ZMAT4: variants seen among roughly 807,000 people sequenced by gnomAD.
ZMAT4 encodes the protein zinc finger matrin-type protein 4.
In ZMAT4, 17 loss-of-function variants were observed where a neutral mutation model predicts 28.7. The observed-to-expected ratio is 0.59, with a 90% CI of 0.41 to 0.89. The LOEUF (loss-of-function observed/expected upper bound fraction) is 0.89. Ranked by LOEUF, ZMAT4 falls within the 40% of genes least tolerant of loss-of-function variation. The probability of loss-of-function intolerance (pLI) is 0.00; values close to 1 mark genes in which losing one functional copy is unlikely to be tolerated. For synonymous variants in ZMAT4, 117 were observed against 109.2 expected, an observed-to-expected ratio of 1.07 and a Z score of -0.44; for missense variants, 240 against 283.8, an observed-to-expected ratio of 0.85 and a Z score of 1.11.
chr8:40,548,114 G>C (rs78712132), intron 6 of ZMAT4, among the ~76,000 whole-genome samples: 5,518 of 152,214 alleles, frequency 0.036, 185 homozygotes, highest in East Asian at 0.13. Context: ...AGGGAAGAAG[G>C]GTGAGAAGTT....
At position 40,690,692 on chromosome 8, in the gene ZMAT4, C is replaced by G. The variant is rs150649642; in HGVS notation, c.349+6553G>C. Among the ~76,000 whole-genome samples, 466 of 152,250 alleles carry G rather than the reference C, an allele frequency of 3.1e-3. 3 individuals are homozygous for G. Among genetic ancestry groups the G allele is most frequent in the African/African-American group, 9.5e-3 (393 of 41,540 alleles). On this transcript the variant is annotated intron_variant, in intron 4 of 6. Transcript: ENST00000297737. Reference sequence around the variant, plus strand: ...TTATTCAAAATTTGAATTTATGTAACTTTCAAGCAGATATAGACTACCCTG... The same window carrying G: ...TTATTCAAAATTTGAATTTATGTAAGTTTCAAGCAGATATAGACTACCCTG...
chr8:40,779,380 G>T (rs761715811), intron 2 of ZMAT4, among the ~76,000 whole-genome samples: 6 of 151,908 alleles, frequency 3.9e-5, no homozygotes, highest in African/African-American at 7.3e-5. Flanking sequence ...ACCAAGAAAC[G>T]CCCAGAGCTC....
chr8:40,881,959 C>A (rs1229874863), intron 1 of ZMAT4, among the ~76,000 whole-genome samples: 1 of 152,112 alleles, frequency 6.6e-6, no homozygotes, highest in South Asian at 2.1e-4. Context: ...AGGATGAGAG[C>A]CCCAGAAAGC....
intron 3 of ZMAT4, among the ~76,000 whole-genome samples, chr8:40,767,100 A>C (rs141479047): frequency 1.3e-5 from 2 of 151,988 alleles, no homozygotes; most frequent in African/African-American, 4.8e-5. Context: ...CTCTGACTTG[A>C]CTCCCTCAAA....
intron 1 of ZMAT4, among the ~76,000 whole-genome samples, chr8:40,833,675 GCA>G (rs1816373455): frequency 6.6e-6 from 1 of 152,066 alleles, no homozygotes; most frequent in African/African-American, 2.4e-5. Flanking sequence ...ACCGGCTCCA[GCA>G]CACACTTTTC....
chr8:40,715,501 A>G (rs1013202444), intron 3 of ZMAT4, among the ~76,000 whole-genome samples: 3 of 152,230 alleles, frequency 2.0e-5, no homozygotes. Context: ...ACATCTGATT[A>G]TGCAAAATTA....
chr8:40,893,612 C>T (rs1012707612), intron 1 of ZMAT4, among the ~76,000 whole-genome samples: 1 of 152,214 alleles, frequency 6.6e-6, no homozygotes, highest in African/African-American at 2.4e-5. Flanking sequence ...TGCCTCTGCC[C>T]AATCCCACTA....
intron 5 of ZMAT4, among the ~76,000 whole-genome samples, chr8:40,596,047 G>T (rs566035336): frequency 2.6e-5 from 4 of 152,130 alleles, no homozygotes; most frequent in African/African-American, 9.7e-5. Context: ...AGCCAAGATC[G>T]TGCCATTGCA....
chr8:40,659,947 A>G (rs895946153), intron 5 of ZMAT4, among the ~76,000 whole-genome samples: 2 of 152,242 alleles, frequency 1.3e-5, no homozygotes, highest in Admixed American at 6.5e-5. Flanking sequence ...TCTTTTACAT[A>G]TAACTGCAAA....
intron 3 of ZMAT4, among the ~76,000 whole-genome samples, chr8:40,757,026 G>A (rs556665585): frequency 1.2e-4 from 19 of 152,212 alleles, no homozygotes; most frequent in African/African-American, 4.1e-4. Flanking sequence ...GTTTTGGAAC[G>A]CAGGGCAGCA....
At chr8:40,864,142 G>A (rs574878935) in intron 1 of ZMAT4, among the ~76,000 whole-genome samples, 2 of 152,312 alleles carry the variant, frequency 1.3e-5, no homozygotes, top group African/African-American at 4.8e-5. Flanking sequence ...AACCAGAGGT[G>A]GGTGTTCCCG....
At chr8:40,849,591 C>T (rs909831436) in intron 1 of ZMAT4, among the ~76,000 whole-genome samples, 1 of 152,150 alleles carries the variant, frequency 6.6e-6, no homozygotes, top group Non-Finnish European at 1.5e-5. Flanking sequence ...CTCCGTCACC[C>T]ACAACATATC....
intron 5 of ZMAT4, among the ~76,000 whole-genome samples, chr8:40,672,447 T>C (rs1808716690): frequency 6.6e-6 from 1 of 152,108 alleles, no homozygotes; most frequent in South Asian, 2.1e-4. Context: ...GAAAGTTTGG[T>C]TTCAAGGACA....
chr8:40,559,450 C>A (rs1467133650), intron 6 of ZMAT4, among the ~76,000 whole-genome samples: 1 of 152,096 alleles, frequency 6.6e-6, no homozygotes, highest in Non-Finnish European at 1.5e-5. Context: ...CTAACCCCTT[C>A]ATGAATATTC....
At chr8:40,762,086 C>A (rs777293587) in intron 3 of ZMAT4, among the ~76,000 whole-genome samples, 9 of 152,180 alleles carry the variant, frequency 5.9e-5, no homozygotes, top group Non-Finnish European at 4.4e-5. Context: ...AAGTCAACAG[C>A]AGACCACTTG....
chr8:40,629,637 A>G, intron 5 of ZMAT4, among the ~76,000 whole-genome samples: 1 of 140,838 alleles, frequency 7.1e-6, no homozygotes, highest in Non-Finnish European at 1.5e-5. Flanking sequence ...GTTCCCACCT[A>G]TGAGTGAGAA....
intron 3 of ZMAT4, among the ~76,000 whole-genome samples, chr8:40,733,801 G>A (rs71519574): frequency 0.098 from 14,966 of 152,068 alleles, 926 homozygotes; most frequent in Middle Eastern, 0.19. Flanking sequence ...AACAACTCTC[G>A]TTCATTCATT....
intron 5 of ZMAT4, 58 bp from the exon 6 acceptor site, chr8:40,581,319 A>G: frequency 7.1e-7 from 1 of 1,417,668 alleles, no homozygotes. Context: ...CCTGAAATGA[A>G]TCCTAGCATC....
intron 6 of ZMAT4, among the ~76,000 whole-genome samples, chr8:40,536,423 C>T (rs1416974507): frequency 6.6e-6 from 1 of 152,216 alleles, no homozygotes; most frequent in Non-Finnish European, 1.5e-5. Flanking sequence ...TGCAATGCCT[C>T]ACTGGGTTCC....
Sources: allele counts gnomAD v4.1 joint callset (sites outside exome capture counted in the v4.1 genomes callset), GRCh38; gene constraint gnomAD v4.1.1; transcripts MANE v1.5; gene names NCBI Gene and HGNC (gene_info 2026-07-23, HGNC 2026-07-21).